The following AREL1 variants were observed in gnomAD, a reference collection of about 807,000 sequenced individuals.
AREL1 encodes the protein apoptosis resistant E3 ubiquitin protein ligase 1, also known as apoptosis-resistant E3 ubiquitin protein ligase 1.
Under a neutral mutation model 99.0 loss-of-function variants are expected in AREL1, and 62 were observed. The ratio of observed to expected loss-of-function variants is 0.63; its 90% CI spans 0.51 to 0.77. AREL1 has a LOEUF of 0.77. Ranked by LOEUF, AREL1 falls within the 30% of genes least tolerant of loss-of-function variation. The pLI, the probability that AREL1 is intolerant of heterozygous loss-of-function variation, is 0.00. For synonymous variants in AREL1, 380 were observed against 376.5 expected, an observed-to-expected ratio of 1.01 and a Z score of -0.11; for missense variants, 879 against 1,027.6, an observed-to-expected ratio of 0.86 and a Z score of 1.98.
intron 2 of AREL1, among the ~76,000 whole-genome samples, chr14:74,688,008 CTGAG>C (rs2089784278): frequency 6.8e-6 from 1 of 147,562 alleles, no homozygotes; most frequent in Non-Finnish European, 1.5e-5. Context: ...CCAACAAATA[CTGAG>C]TACTTACTTT....
rs558320793 is a variant in AREL1, at chr14:74,669,460, C to T, written c.1914+189G>A. On this transcript the variant is annotated intron_variant, in intron 15 of 19. Transcript: ENST00000356357. Reference sequence around the variant, plus strand: ...GCTGTCCAATACAGCAGCTGCTAGCCAAGTGTAGTTATGTAAGTATACATT... The same window carrying T: ...GCTGTCCAATACAGCAGCTGCTAGCTAAGTGTAGTTATGTAAGTATACATT... Among the ~76,000 whole-genome samples the T allele has an allele frequency of 2.6e-5, 4 of 152,232 alleles. No individual in the cohort carries two copies. The South Asian group carries it at 8.3e-4, about 32-fold the overall frequency.
intron 4 of AREL1, 55 bp downstream of exon 4, chr14:74,684,399 G>C (rs1306899669): frequency 1.0e-5 from 16 of 1,543,890 alleles, no homozygotes; most frequent in Non-Finnish European, 1.4e-5. Flanking sequence ...CTGGGCTCTG[G>C]AAAGCAAGTT....
intron 13 of AREL1, 99 bp downstream of exon 13, chr14:74,670,663 G>C: frequency 1.1e-6 from 1 of 949,122 alleles, no homozygotes; most frequent in South Asian, 1.5e-5. Context: ...ATAGGACACA[G>C]GTTGTCAGGT....
Position 74,663,212 on chromosome 14 carries a change from A to G in AREL1, c.*508T>C. The stretch of plus-strand genomic sequence containing the variant: ...TGCAGCGGGACTGCTCCTATGGGCC[A>G]CCTCCTATCTGTCCCCCTCTCTCCT... On this transcript the variant is annotated 3_prime_UTR_variant, in exon 20 of 20. Coordinates refer to ENST00000356357, the MANE Select transcript of AREL1 (RefSeq NM_001039479.2). The G allele has an allele frequency of 5.1e-6, 1 of 195,476 alleles. No homozygotes were observed. Among genetic ancestry groups the G allele is most frequent in the East Asian group, 1.1e-4 (1 of 8,890 alleles). The allele number at this position is 195,476 out of a possible 1,614,324, so 12.1% of individuals were successfully genotyped here.
chr14:74,694,206 T>A (rs572953321), intron 1 of AREL1, among the ~76,000 whole-genome samples: 143 of 150,678 alleles, frequency 9.5e-4, no homozygotes, highest in Non-Finnish European at 1.9e-3. Context: ...AAATAAATAA[T>A]GCCAACAGAC....
intron 15 of AREL1, among the ~76,000 whole-genome samples, chr14:74,668,006 A>AGAT (rs1205453283): frequency 1.3e-5 from 2 of 152,262 alleles, no homozygotes; most frequent in African/African-American, 4.8e-5. Context: ...AGAAATTCCA[A>AGAT]GATGGGAACA....
intron 1 of AREL1, among the ~76,000 whole-genome samples, chr14:74,710,647 A>C (rs1446143298): frequency 1.3e-5 from 2 of 152,226 alleles, no homozygotes; most frequent in Non-Finnish European, 2.9e-5. Flanking sequence ...GACAGAGACA[A>C]GCTGCTCCAG....
intron 8 of AREL1, among the ~76,000 whole-genome samples, chr14:74,674,860 G>A (rs1023904334): frequency 6.6e-5 from 10 of 152,130 alleles, no homozygotes; most frequent in Admixed American, 3.3e-4. Context: ...TGGTGCCAAG[G>A]ATCTGCCAGG....
At chr14:74,711,877 GT>G (rs950218381) in intron 1 of AREL1, 1 of 151,790 alleles carries the variant, frequency 6.6e-6, no homozygotes, top group African/African-American at 2.4e-5. Flanking sequence ...CAATAAACGT[GT>G]TTTCATCATA....
intron 1 of AREL1, among the ~76,000 whole-genome samples, chr14:74,702,347 T>C (rs772633684): frequency 2.6e-5 from 4 of 152,258 alleles, no homozygotes; most frequent in Admixed American, 2.0e-4. Context: ...ACCTCAGTTC[T>C]TGACTTCTGT....
Position 74,684,577 on chromosome 14 carries a change from G to T in AREL1, c.120C>A (p.Arg40=). The change falls in exon 4 of 20, where the codon CGC becomes CGA. Residue 40 remains arginine (R), a synonymous_variant. Coordinates refer to ENST00000356357, the MANE Select transcript of AREL1 (RefSeq NM_001039479.2). ...VSFLQNEDRE[R]RGDRTIYDYV... ...AGTCATAAATAGTCCGGTCCCCTCG[G>T]CGCTCGCGGTCCTCATTCTGGAGGA... The T allele has an allele frequency of 6.2e-7, 1 of 1,614,148 alleles. No individual in the cohort carries two copies.
intron 1 of AREL1, among the ~76,000 whole-genome samples, chr14:74,702,517 G>C (rs544755383): frequency 6.6e-6 from 1 of 152,292 alleles, no homozygotes; most frequent in African/African-American, 2.4e-5. Context: ...GGGGGGACCT[G>C]GGCCCTGCCT....
At chr14:74,675,562 T>C (rs1362607637) in intron 8 of AREL1, 137 bp downstream of exon 8, 11 of 1,250,870 alleles carry the variant, frequency 8.8e-6, no homozygotes, top group Non-Finnish European at 1.2e-5. Flanking sequence ...TTTTAACAGT[T>C]GAAAGTGGCT....
chr14:74,686,459 A>G (rs1373322695), intron 2 of AREL1, among the ~76,000 whole-genome samples: 1 of 152,236 alleles, frequency 6.6e-6, no homozygotes, highest in Non-Finnish European at 1.5e-5. Context: ...GCTAACGTTC[A>G]TATCTTATCA....
chr14:74,668,156 A>T (rs963183322), intron 15 of AREL1, among the ~76,000 whole-genome samples: 20 of 152,210 alleles, frequency 1.3e-4, no homozygotes, highest in African/African-American at 4.6e-4. Context: ...TCCAGACCTT[A>T]GGGGAAATTA....
At chr14:74,665,827 GCC>G (rs1343847800) in intron 17 of AREL1, among the ~76,000 whole-genome samples, 2 of 152,198 alleles carry the variant, frequency 1.3e-5, no homozygotes, top group Non-Finnish European at 2.9e-5. Flanking sequence ...GACAAGAAGA[GCC>G]CAAACTGAGC....
At position 74,684,652 on chromosome 14, in the gene AREL1, G is replaced by T; in HGVS notation, c.45C>A (p.Phe15Leu). 1 of 1,614,178 alleles carries T rather than the reference G, an allele frequency of 6.2e-7. No individual in the cohort carries two copies. Among genetic ancestry groups the T allele is most frequent in the Non-Finnish European group, 8.5e-7 (1 of 1,180,026 alleles). The change falls in exon 4 of 20, where the codon TTC becomes TTA. Residue 15 changes from phenylalanine to leucine, a missense_variant. Coordinates refer to ENST00000356357, the MANE Select transcript of AREL1 (RefSeq NM_001039479.2). ...IGGITVSVVA[F>L]FFTIKFLFEL... ...CAAAGAGGAACTTAATTGTGAAGAA[G>T]AATGCAACCACAGACACTGTGATTC...
intron 17 of AREL1, among the ~76,000 whole-genome samples, chr14:74,665,270 CTTTTT>C (rs546774095): frequency 7.3e-6 from 1 of 136,384 alleles, no homozygotes; most frequent in African/African-American, 2.7e-5. Context: ...TCTTTCTTTT[CTTTTT>C]TTTTTTTTTT....
rs1339923158 is a variant in AREL1, at chr14:74,670,001, AGCTCGGACCAACT to A, written c.1721_1733del (p.Gln574LeufsTer12). The stretch of plus-strand genomic sequence containing the variant: ...GGGCCAGGAAAGAGCGGGTGAAGCG[AGCTCGGACCAACT>A]GCTTGTAGGCTCCTCCTAGAGAGGA... On this transcript the variant is annotated frameshift_variant, in exon 14 of 20. Transcript: ENST00000356357. LOFTEE classifies it high-confidence loss of function. The A allele has an allele frequency of 6.2e-7, 1 of 1,613,952 alleles. No individual in the cohort carries two copies. Among genetic ancestry groups the A allele is most frequent in the Non-Finnish European group, 8.5e-7 (1 of 1,179,936 alleles).
Sources: allele counts gnomAD v4.1 joint callset (sites outside exome capture counted in the v4.1 genomes callset), GRCh38; gene constraint gnomAD v4.1.1; transcripts MANE v1.5; gene names NCBI Gene and HGNC (gene_info 2026-07-23, HGNC 2026-07-21).